The following PHF8 variants were observed in gnomAD, a reference collection of about 807,000 sequenced individuals.
The protein encoded by PHF8 is histone lysine demethylase PHF8.
Under a neutral mutation model 74.4 loss-of-function variants are expected in PHF8, and 9 were observed. The observed-to-expected ratio is 0.12, with a 90% CI of 0.07 to 0.21. The LOEUF (loss-of-function observed/expected upper bound fraction) is 0.21, where lower values mean the gene tolerates loss of function less well. PHF8 is among the 10% of genes least tolerant of loss of function. PHF8 has a pLI of 1.00. For missense variants in PHF8, 478 were observed against 816.6 expected (o/e 0.59, Z 5.05); for synonymous variants, 311 against 316.6 (o/e 0.98, Z 0.19).
At chrX:54,042,018 G>C (rs782509305) in intron 2 of PHF8, among the ~76,000 whole-genome samples, 1 of 112,164 alleles carries the variant, frequency 8.9e-6, no homozygotes, top group South Asian at 3.7e-4. Flanking sequence ...CTATAAAAAT[G>C]ATGACCGGGC....
In PHF8 at chrX:53,952,899, A is replaced by G. The variant is rs782526010; in HGVS notation, c.2540-8656T>C. On this transcript the variant is annotated intron_variant, in intron 19 of 21. Coordinates refer to ENST00000338154, the MANE Select transcript of PHF8 (RefSeq NM_015107.3). ...CGAGACTCTGCCTCAAAAAAAAAAA[A>G]AAAAGAAAGAAAGAAATTAAGTGAT... 1.3e-3 allele frequency among the ~76,000 whole-genome samples: 138 copies of G among 109,407 alleles called. No homozygotes were observed. The Middle Eastern group carries it at 0.014, about 11-fold the overall frequency.
rs1425782165 is a variant in PHF8 at position 53,968,478 on chromosome X, C to A, written c.2444-5539G>T. Among the ~76,000 whole-genome samples, 4 of 112,416 alleles carry A rather than the reference C, an allele frequency of 3.6e-5. No homozygotes were observed. The Admixed American group carries it at 3.8e-4, about 11-fold the overall frequency. ...TGCCCAGAACCTGATGGATTCACTG[C>A]TGAATTCTACCAAACATTAAAACAA... is the stretch of plus-strand genomic sequence containing the variant. On this transcript the variant is annotated intron_variant, in intron 18 of 21. Coordinates refer to ENST00000338154, the MANE Select transcript of PHF8 (RefSeq NM_015107.3).
chrX:54,042,903 G>C, intron 1 of PHF8, 83 bp from the exon 2 acceptor site: 1 of 752,022 alleles, frequency 1.3e-6, no homozygotes, highest in Non-Finnish European at 1.9e-6. Flanking sequence ...CTCCAATAGA[G>C]TTACCGCCGC....
At chrX:53,996,822 C>T (rs1557103047) in intron 11 of PHF8, among the ~76,000 whole-genome samples, 5 of 112,260 alleles carry the variant, frequency 4.5e-5, no homozygotes, top group Non-Finnish European at 9.4e-5. Context: ...GCTGGGATTA[C>T]GGGCGTGAGC....
Position 53,962,916 on chromosome X carries a change from C to T in PHF8, c.2467G>A (p.Asp823Asn). Reference sequence around the variant, plus strand: ...CGAGATTTCAAAGCAGGGTCATCATCATCAGACTCCAGTGAAGGATAGACT... The same window carrying T: ...CGAGATTTCAAAGCAGGGTCATCATTATCAGACTCCAGTGAAGGATAGACT... The part of the protein sequence containing the change: ...EYIYPSLESD[D>N]DDPALKSRPK... Residue 823 changes from aspartate (D) to asparagine (N), a missense_variant, in exon 19 of 22, where the codon GAT becomes AAT. By Grantham distance (23) the Asp-to-Asn change is conservative. This residue lies in a region of PHF8 where 35 missense variants were observed against 78.8 expected (regional missense o/e 0.44). Coordinates refer to ENST00000338154, the MANE Select transcript of PHF8 (RefSeq NM_015107.3). 1 of 1,179,583 alleles carries T rather than the reference C, an allele frequency of 8.5e-7. No individual in the cohort carries two copies. The highest frequency in any genetic ancestry group is 3.0e-5 in the East Asian group (1 of 33,672).
intron 18 of PHF8, 65 bp downstream of exon 18, chrX:53,984,849 T>G: frequency 3.4e-6 from 3 of 878,425 alleles, no homozygotes; most frequent in Admixed American, 2.2e-5. Context: ...CTATTGGGAC[T>G]AGGATGGAGA....
chrX:53,993,148 C>A, intron 13 of PHF8: 1 of 348,190 alleles, frequency 2.9e-6, no homozygotes, highest in Non-Finnish European at 5.1e-6. Context: ...GGGCTTTTCT[C>A]AAGGACCTGC....
intron 19 of PHF8, among the ~76,000 whole-genome samples, chrX:53,957,694 G>C (rs1054327629): frequency 1.8e-5 from 2 of 111,682 alleles, no homozygotes; most frequent in African/African-American, 6.5e-5. Context: ...TGATAGTCTT[G>C]GCCATCTGAC....
chrX:54,043,070 C>T (rs1480564179), intron 1 of PHF8: 6 of 620,372 alleles, frequency 9.7e-6, no homozygotes, highest in Non-Finnish European at 1.3e-5. Flanking sequence ...TCTTCGGCCC[C>T]GTTGTCAGTG....
intron 7 of PHF8, among the ~76,000 whole-genome samples, chrX:54,011,862 C>CAAA (rs11397654): frequency 7.5e-5 from 3 of 40,049 alleles, no homozygotes; most frequent in East Asian, 8.7e-4. Context: ...GATAATTTGG[C>CAAA]AAAAAAAAAA....
At chrX:54,044,506 G>A, upstream of PHF8, 5 of 603,249 alleles carry the variant, frequency 8.3e-6, no homozygotes, top group Non-Finnish European at 1.0e-5. Context: ...ACCGCGAGCC[G>A]CCGGCTCCCG....
At chrX:53,949,606 A>C (rs192621794) in intron 19 of PHF8, among the ~76,000 whole-genome samples, 2 of 109,479 alleles carry the variant, frequency 1.8e-5, no homozygotes, top group East Asian at 5.8e-4. Context: ...AGGTCAGGAG[A>C]TCAAGACCAT....
intron 2 of PHF8, among the ~76,000 whole-genome samples, chrX:54,034,713 A>G (rs1435968853): frequency 9.2e-6 from 1 of 108,375 alleles, no homozygotes; most frequent in Admixed American, 1.0e-4. Flanking sequence ...AATTCCAGCT[A>G]CTCTGGAGGC....
chrX:53,937,806 G>A lies in PHF8; in HGVS notation c.*1352C>T. 4.5e-6 allele frequency: 2 copies of A among 443,861 alleles called. No homozygotes were observed. Among genetic ancestry groups the A allele is most frequent in the Non-Finnish European group, 3.9e-6 (1 of 254,841 alleles). 36.6% of individuals were successfully genotyped at this position (443,861 alleles called of 1,213,427 possible). ...TGGAGTGGGTGGTACAGGTGGAAAG[G>A]GCAAGGGTACACTCCACTTGGGTAG... On this transcript the variant is annotated 3_prime_UTR_variant, in exon 22 of 22. Coordinates refer to ENST00000338154, the MANE Select transcript of PHF8 (RefSeq NM_015107.3).
chrX:53,954,499 CAAAAA>C (rs1180184175), intron 19 of PHF8, among the ~76,000 whole-genome samples: 1 of 13,138 alleles, frequency 7.6e-5, no homozygotes, highest in African/African-American at 2.4e-4. Context: ...GACTCTGTCT[CAAAAA>C]AAAAAAAAAA....
intron 20 of PHF8, 85 bp downstream of exon 20, chrX:53,944,049 A>T: frequency 1.8e-6 from 1 of 566,257 alleles, no homozygotes; most frequent in Non-Finnish European, 3.1e-6. Context: ...CAAAGGTGGG[A>T]TCCTATCAGC....
intron 18 of PHF8, among the ~76,000 whole-genome samples, chrX:53,977,151 A>G (rs1359495026): frequency 9.1e-6 from 1 of 110,409 alleles, no homozygotes; most frequent in East Asian, 2.8e-4. Flanking sequence ...CCTGGCCAAC[A>G]TGGTGAAACC....
chrX:53,940,730 T>C (rs2064738456), intron 20 of PHF8, among the ~76,000 whole-genome samples: 1 of 112,190 alleles, frequency 8.9e-6, no homozygotes, highest in Non-Finnish European at 1.9e-5. Flanking sequence ...AAGTCACCAC[T>C]GTCACTTATT....
At chrX:54,004,267 AT>A (rs2149855279) in intron 8 of PHF8, among the ~76,000 whole-genome samples, 2 of 107,996 alleles carry the variant, frequency 1.9e-5, no homozygotes, top group South Asian at 8.6e-4. Context: ...TCAAAGATGG[AT>A]GAATAAATGC....
Sources: allele counts gnomAD v4.1 joint callset (sites outside exome capture counted in the v4.1 genomes callset), GRCh38; gene constraint gnomAD v4.1.1; regional missense constraint gnomAD v4.1.1; transcripts MANE v1.5; gene names NCBI Gene and HGNC (gene_info 2026-07-23, HGNC 2026-07-21).